The following PAK5 variants were observed in gnomAD, a reference collection of about 807,000 sequenced individuals.
The protein encoded by PAK5 is p21 (RAC1) activated kinase 5.
PAK5 carries 16 observed loss-of-function variants against 65.9 expected under a neutral mutation model. The ratio of observed to expected loss-of-function variants is 0.24; its 90% CI spans 0.16 to 0.37. PAK5 has a LOEUF of 0.37. Among genes scored for constraint, PAK5 ranks in the 10% least tolerant of loss-of-function variants. The pLI is 1.00. For missense variants in PAK5, 785 were observed against 903.9 expected, an observed-to-expected ratio of 0.87 and a Z score of 1.69; for synonymous variants, 371 against 354.9, an observed-to-expected ratio of 1.05 and a Z score of -0.51.
intron 2 of PAK5, among the ~76,000 whole-genome samples, chr20:9,645,004 A>G (rs892659390): frequency 6.6e-6 from 1 of 152,230 alleles, no homozygotes; most frequent in African/African-American, 2.4e-5. Context: ...GCATACATGA[A>G]AAATGGGTTG....
At chr20:9,555,626 T>C (rs991348091) in intron 7 of PAK5, among the ~76,000 whole-genome samples, 2 of 152,200 alleles carry the variant, frequency 1.3e-5, no homozygotes, top group African/African-American at 2.4e-5. Context: ...TCCACTCATA[T>C]GGAAGATTAA....
chr20:9,589,442 T>C (rs1404317843), intron 3 of PAK5, among the ~76,000 whole-genome samples: 1 of 152,220 alleles, frequency 6.6e-6, no homozygotes, highest in Non-Finnish European at 1.5e-5. Context: ...CAATAGATAT[T>C]TTATCTATTT....
chr20:9,775,494 G>C lies in PAK5; in HGVS notation c.-162+63268C>G, dbSNP rs532035262. On this transcript the variant is annotated intron_variant, in intron 1 of 9. Transcript: ENST00000353224. ...GAAAAAATGGTGCAACTACAGATGA[G>C]CCTTGTGACTTTCCTTCAAGTACTA... 2.6e-5 allele frequency among the ~76,000 whole-genome samples: 4 copies of C among 152,258 alleles called. No individual in the cohort carries two copies. The East Asian group carries it at 7.7e-4, about 29-fold the overall frequency.
intron 1 of PAK5, among the ~76,000 whole-genome samples, chr20:9,785,541 T>C (rs1025722266): frequency 4.6e-5 from 7 of 152,184 alleles, no homozygotes; most frequent in Non-Finnish European, 4.4e-5. Context: ...TGGAAAATTA[T>C]CAAGTCTCCA....
At chr20:9,779,825 T>G in intron 1 of PAK5, among the ~76,000 whole-genome samples, 1 of 152,100 alleles carries the variant, frequency 6.6e-6, no homozygotes, top group East Asian at 1.9e-4. Flanking sequence ...GCAAATATAT[T>G]AATGCAACTT....
Position 9,781,853 on chromosome 20 carries a change from C to T in PAK5, c.-162+56909G>A, listed in dbSNP as rs113317508. 6.4e-3 allele frequency among the ~76,000 whole-genome samples: 972 copies of T among 152,296 alleles called. 10 individuals carry two copies. The highest frequency in any genetic ancestry group is 0.028 in the South Asian group (136 of 4,824). On this transcript the variant is annotated intron_variant, in intron 1 of 9. Transcript: ENST00000353224. ...TGTCCTGAGCCACCACCCACTCTCT[C>T]CTGCATCAATATAAATGTATTGGAA...
intron 2 of PAK5, among the ~76,000 whole-genome samples, chr20:9,681,291 T>C (rs1452134264): frequency 6.6e-6 from 1 of 152,192 alleles, no homozygotes; most frequent in East Asian, 1.9e-4. Context: ...TTAAGGGATG[T>C]CTTTTGTAAG....
chr20:9,567,929 G>T (rs1437962974), intron 4 of PAK5, among the ~76,000 whole-genome samples: 1 of 152,218 alleles, frequency 6.6e-6, no homozygotes, highest in Non-Finnish European at 1.5e-5. Flanking sequence ...GCCTGGCTGA[G>T]TGAGGGAAAA....
intron 4 of PAK5, among the ~76,000 whole-genome samples, chr20:9,576,198 A>G (rs1273496224): frequency 6.6e-6 from 1 of 152,212 alleles, no homozygotes; most frequent in Non-Finnish European, 1.5e-5. Flanking sequence ...TATTTTGTAC[A>G]TAAAGAAGTG....
At chr20:9,617,549 C>T (rs1600149267) in intron 3 of PAK5, among the ~76,000 whole-genome samples, 2 of 94,580 alleles carry the variant, frequency 2.1e-5, no homozygotes, top group South Asian at 4.8e-4. Flanking sequence ...AATCCCAATC[C>T]TTTTTTTTTT....
At chr20:9,719,564 T>G (rs1353533827) in intron 1 of PAK5, among the ~76,000 whole-genome samples, 1 of 152,160 alleles carries the variant, frequency 6.6e-6, no homozygotes, top group African/African-American at 2.4e-5. Flanking sequence ...TTATAATGTG[T>G]TGGCTTTTAT....
chr20:9,741,999 T>C (rs140155044), intron 1 of PAK5, among the ~76,000 whole-genome samples: 4 of 152,228 alleles, frequency 2.6e-5, no homozygotes, highest in Non-Finnish European at 5.9e-5. Context: ...CTTAGAAAGA[T>C]AAATGGAGGT....
At position 9,611,630 on chromosome 20, in the gene PAK5, C is replaced by T. The variant is rs75531395; in HGVS notation, c.205-30700G>A. ...TTCTCCCGTGTATATGCAAGCTGCACGTGCTAATAAACTTCAGCCTGTCTG... is the reference window on the plus strand; with the variant it reads ...TTCTCCCGTGTATATGCAAGCTGCATGTGCTAATAAACTTCAGCCTGTCTG... On this transcript the variant is annotated intron_variant, in intron 3 of 9. Coordinates refer to ENST00000353224, the MANE Select transcript of PAK5 (RefSeq NM_177990.4). Among the ~76,000 whole-genome samples, 226 of 152,306 alleles carry T rather than the reference C, an allele frequency of 1.5e-3. 1 individual carries two copies. Among genetic ancestry groups the T allele is most frequent in the African/African-American group, 5.2e-3 (216 of 41,568 alleles).
chr20:9,562,114 T>G (rs2045600024), intron 6 of PAK5, among the ~76,000 whole-genome samples: 2 of 152,250 alleles, frequency 1.3e-5, no homozygotes, highest in Admixed American at 1.3e-4. Flanking sequence ...CCATCTCAGA[T>G]GTCACCTTAT....
intron 2 of PAK5, among the ~76,000 whole-genome samples, chr20:9,684,682 T>G (rs1434939443): frequency 6.6e-6 from 1 of 152,238 alleles, no homozygotes; most frequent in East Asian, 1.9e-4. Flanking sequence ...TCAAAAAAAC[T>G]AATGACCAAA....
chr20:9,806,190 T>C lies in PAK5; in HGVS notation c.-162+32572A>G, dbSNP rs190185722. On this transcript the variant is annotated intron_variant, in intron 1 of 9. Transcript: ENST00000353224. ...TTTTAGCAGAGATGGGGTTTCACCA[T>C]GTTGGCCAGGCTGGTCTCGAACTCC... 2.4e-3 allele frequency among the ~76,000 whole-genome samples: 365 copies of C among 152,232 alleles called. 2 individuals are homozygous for C. Among genetic ancestry groups the C allele is most frequent in the African/African-American group, 8.3e-3 (345 of 41,548 alleles).
At chr20:9,812,026 G>A (rs2123756524) in intron 1 of PAK5, among the ~76,000 whole-genome samples, 1 of 152,068 alleles carries the variant, frequency 6.6e-6, no homozygotes, top group Non-Finnish European at 1.5e-5. Context: ...TAATATTAGG[G>A]GTAATGGGGT....
chr20:9,614,379 T>C (rs903776398), intron 3 of PAK5, among the ~76,000 whole-genome samples: 3 of 152,050 alleles, frequency 2.0e-5, no homozygotes, highest in Non-Finnish European at 4.4e-5. Context: ...ATATGTTTAA[T>C]AGGAATACCA....
chr20:9,835,062 G>T (rs191091027), intron 1 of PAK5, among the ~76,000 whole-genome samples: 4 of 152,288 alleles, frequency 2.6e-5, no homozygotes, highest in Admixed American at 2.6e-4. Flanking sequence ...TTTGAAGTCA[G>T]AATAAGGTTC....
Sources: allele counts gnomAD v4.1 joint callset (sites outside exome capture counted in the v4.1 genomes callset), GRCh38; gene constraint gnomAD v4.1.1; transcripts MANE v1.5; gene names NCBI Gene and HGNC (gene_info 2026-07-23, HGNC 2026-07-21).